The following PCDHA8 variants were observed in gnomAD, a reference collection of about 807,000 sequenced individuals.
PCDHA8 encodes the protein protocadherin alpha 8.
In PCDHA8, 53 loss-of-function variants were observed where a neutral mutation model predicts 61.8. The ratio of observed to expected loss-of-function variants is 0.86; its 90% CI spans 0.69 to 1.08. The LOEUF (loss-of-function observed/expected upper bound fraction) is 1.08. Among genes scored for constraint, PCDHA8 ranks in the 50% least tolerant of loss-of-function variants. PCDHA8 has a pLI of 0.00. For missense variants in PCDHA8, 1,293 were observed against 1,245.0 expected, an observed-to-expected ratio of 1.04 and a Z score of -0.58; for synonymous variants, 618 against 556.6, an observed-to-expected ratio of 1.11 and a Z score of -1.55.
intron 1 of PCDHA8, chr5:140,869,034 T>C (rs1441426453): frequency 5.2e-6 from 8 of 1,527,468 alleles, no homozygotes. Flanking sequence ...ACGAGATTTT[T>C]AACCTGAAAC....
At position 140,982,295 on chromosome 5, in the gene PCDHA8, G is replaced by A. The variant is rs1047633434; in HGVS notation, c.2454-180G>A. ...AGTATAGCAGGCAATAAGTAAGTCA[G>A]CAATGCTTCTGCAGTTTATGCAGGG... On this transcript the variant is annotated intron_variant, in intron 2 of 3. Coordinates refer to ENST00000531613, the MANE Select transcript of PCDHA8 (RefSeq NM_018911.3). The A allele has an allele frequency of 3.4e-6, 4 of 1,160,172 alleles. No homozygotes were observed. In the Admixed American group the frequency reaches 8.4e-5, roughly 25 times the overall value. 71.9% of individuals were successfully genotyped at this position (1,160,172 alleles called of 1,614,324 possible).
At position 141,009,757 on chromosome 5, in the gene PCDHA8, A is replaced by G; in HGVS notation, c.2673A>G (p.Pro891=). 6.2e-7 allele frequency: 1 copy of G among 1,614,200 alleles called. No individual in the cohort carries two copies. Among genetic ancestry groups the G allele is most frequent in the Non-Finnish European group, 8.5e-7 (1 of 1,180,036 alleles). Residue 891 remains proline (P), a synonymous_variant, in exon 4 of 4, where the codon CCA becomes CCG. Coordinates refer to ENST00000531613, the MANE Select transcript of PCDHA8 (RefSeq NM_018911.3). ...AGTTGCCCGACAAATTCATTATCCCAGGATCTCCTGCAATCATCTCCATCC... is the reference window on the plus strand; with the variant it reads ...AGTTGCCCGACAAATTCATTATCCCGGGATCTCCTGCAATCATCTCCATCC... ...PGELPDKFII[P]GSPAIISIRQ... is the part of the protein sequence containing the mutation.
In PCDHA8 at chr5:140,869,946, A is replaced by G. The variant is rs557838493; in HGVS notation, c.2394+26231A>G. 13 of 1,612,442 alleles carry G rather than the reference A, an allele frequency of 8.1e-6. No individual in the cohort carries two copies. In the African/African-American group the frequency reaches 9.3e-5, roughly 12 times the overall value. ...TCAATGGAGAGGTAACATACTCCTTAATGTCAATTAAGCCCAATGGAAGAC... is the reference window on the plus strand; with the variant it reads ...TCAATGGAGAGGTAACATACTCCTTGATGTCAATTAAGCCCAATGGAAGAC... On this transcript the variant is annotated intron_variant, in intron 1 of 3. Transcript: ENST00000531613.
chr5:140,917,491 C>G (rs2078223929), intron 1 of PCDHA8, among the ~76,000 whole-genome samples: 1 of 152,172 alleles, frequency 6.6e-6, no homozygotes, highest in Non-Finnish European at 1.5e-5. Flanking sequence ...GGGCCTATGC[C>G]CAGAATGATA....
chr5:140,883,263 G>T (rs562257406), intron 1 of PCDHA8: 2 of 1,613,988 alleles, frequency 1.2e-6, no homozygotes, highest in Admixed American at 1.7e-5. Flanking sequence ...CCAATGGCGG[G>T]TCATTGTACC....
At chr5:140,989,601 A>C (rs553140269) in intron 3 of PCDHA8, among the ~76,000 whole-genome samples, 14 of 152,318 alleles carry the variant, frequency 9.2e-5, no homozygotes, top group African/African-American at 3.4e-4. Flanking sequence ...ACACAAGTAA[A>C]CTAAAAATGA....
intron 1 of PCDHA8, among the ~76,000 whole-genome samples, chr5:140,934,143 A>T (rs1335256190): frequency 6.6e-6 from 1 of 152,000 alleles, no homozygotes; most frequent in Non-Finnish European, 1.5e-5. Context: ...TTCCTTCCTT[A>T]TATGTTTATA....
At chr5:140,893,510 G>A (rs1554185640) in intron 1 of PCDHA8, among the ~76,000 whole-genome samples, 1 of 152,148 alleles carries the variant, frequency 6.6e-6, no homozygotes, top group African/African-American at 2.4e-5. Flanking sequence ...AAAAAAAGCA[G>A]TTGTAGAACT....
intron 1 of PCDHA8, among the ~76,000 whole-genome samples, chr5:140,846,775 G>A (rs1476675003): frequency 6.7e-6 from 1 of 149,304 alleles, no homozygotes; most frequent in East Asian, 1.9e-4. Context: ...ATCATGTCAG[G>A]AATTATTACT....
chr5:140,846,669 C>T (rs894601442), intron 1 of PCDHA8, among the ~76,000 whole-genome samples: 2 of 149,244 alleles, frequency 1.3e-5, no homozygotes, highest in Non-Finnish European at 3.0e-5. Flanking sequence ...CCACCGCGCC[C>T]AGCCTAAAAT....
rs1325390456 is a variant in PCDHA8, at chr5:140,928,073, A to G, written c.2395-50876A>G. 8.7e-6 allele frequency: 14 copies of G among 1,614,066 alleles called. No homozygotes were observed. The highest frequency in any genetic ancestry group is 8.0e-5 in the African/African-American group (6 of 74,934). On this transcript the variant is annotated intron_variant, in intron 1 of 3. Coordinates refer to ENST00000531613, the MANE Select transcript of PCDHA8 (RefSeq NM_018911.3). ...CAGCTGACGGCTTCCTTTGACAACTACTACAGCCTGCTGATTGATGGGCCC... is the reference window on the plus strand; with the variant it reads ...CAGCTGACGGCTTCCTTTGACAACTGCTACAGCCTGCTGATTGATGGGCCC...
intron 3 of PCDHA8, among the ~76,000 whole-genome samples, chr5:140,993,449 CCTT>C (rs1214858534): frequency 1.4e-5 from 2 of 144,318 alleles, no homozygotes; most frequent in Non-Finnish European, 1.5e-5. Flanking sequence ...TTCCTGTTCT[CCTT>C]CTTTCTTTCT....
chr5:140,841,935 C>T lies in PCDHA8; in HGVS notation c.614C>T (p.Ala205Val). 6.2e-7 allele frequency: 1 copy of T among 1,613,898 alleles called. No homozygotes were observed. Among genetic ancestry groups the T allele is most frequent in the South Asian group, 1.1e-5 (1 of 91,082 alleles). The change falls in exon 1 of 4, where the codon GCT becomes GTT. Residue 205 changes from alanine (A) to valine (V), a missense_variant. Coordinates refer to ENST00000531613, the MANE Select transcript of PCDHA8 (RefSeq NM_018911.3). The part of the protein sequence containing the change: ...VLRKSLDRED[A>V]PAHHLFLTAT... ...AGAAAATCCTTGGACAGAGAGGACGCTCCTGCGCACCACTTATTCCTGACA... is the reference window on the plus strand; with the variant it reads ...AGAAAATCCTTGGACAGAGAGGACGTTCCTGCGCACCACTTATTCCTGACA...
In PCDHA8 at chr5:140,843,388, G is replaced by A; in HGVS notation, c.2067G>A (p.Pro689=). 18 of 1,596,064 alleles carry A rather than the reference G, an allele frequency of 1.1e-5. 1 individual carries two copies. Among genetic ancestry groups the A allele is most frequent in the Non-Finnish European group, 1.5e-5 (17 of 1,165,572 alleles). The part of the protein sequence containing the change: ...SSRQSAGVLG[P]EAALVDVNVY... ...GGCAGTCGGCTGGCGTTTTGGGTCCGGAAGCGGCGCTGGTGGATGTCAACG... is the reference window on the plus strand; with the variant it reads ...GGCAGTCGGCTGGCGTTTTGGGTCCAGAAGCGGCGCTGGTGGATGTCAACG... The change falls in exon 1 of 4, where the codon CCG becomes CCA. Residue 689 remains proline, a synonymous_variant. Coordinates refer to ENST00000531613, the MANE Select transcript of PCDHA8 (RefSeq NM_018911.3).
chr5:140,920,583 C>A (rs1287573835), intron 1 of PCDHA8, among the ~76,000 whole-genome samples: 1 of 152,106 alleles, frequency 6.6e-6, no homozygotes, highest in African/African-American at 2.4e-5. Context: ...CAGTGGCTCA[C>A]GCCTGTAATC....
chr5:140,936,944 T>A (rs900789474), intron 1 of PCDHA8, among the ~76,000 whole-genome samples: 3 of 152,226 alleles, frequency 2.0e-5, no homozygotes, highest in African/African-American at 7.2e-5. Flanking sequence ...AATATCTTAT[T>A]TTGATCTTTA....
At chr5:140,909,170 G>A (rs1381735874) in intron 1 of PCDHA8, among the ~76,000 whole-genome samples, 1 of 152,188 alleles carries the variant, frequency 6.6e-6, no homozygotes, top group Non-Finnish European at 1.5e-5. Flanking sequence ...AATCAATCAA[G>A]TTCTCTCCAA....
intron 1 of PCDHA8, chr5:140,870,717 T>G: frequency 6.2e-7 from 1 of 1,613,180 alleles, no homozygotes. Flanking sequence ...GCGCGCGCGA[T>G]GCGGGCGTGC....
intron 1 of PCDHA8, among the ~76,000 whole-genome samples, chr5:140,895,531 A>T (rs1433375510): frequency 6.6e-6 from 1 of 152,016 alleles, no homozygotes; most frequent in Non-Finnish European, 1.5e-5. Flanking sequence ...TTCGTTTTTC[A>T]ATTGTTGAGT....
Sources: allele counts gnomAD v4.1 joint callset (sites outside exome capture counted in the v4.1 genomes callset), GRCh38; gene constraint gnomAD v4.1.1; transcripts MANE v1.5; gene names NCBI Gene and HGNC (gene_info 2026-07-23, HGNC 2026-07-21).